The following PYGM variants were observed in gnomAD, a reference collection of about 807,000 sequenced individuals.
The protein encoded by PYGM is glycogen phosphorylase, muscle associated.
A neutral mutation model predicts 99.3 loss-of-function variants in PYGM; 81 were observed. The ratio of observed to expected loss-of-function variants is 0.82; its 90% CI spans 0.68 to 0.98. The LOEUF (loss-of-function observed/expected upper bound fraction) is 0.98. PYGM is among the 50% of genes least tolerant of loss of function. The pLI, the probability that PYGM is intolerant of heterozygous loss-of-function variation, is 0.00. For synonymous variants in PYGM, 436 were observed against 451.5 expected, an observed-to-expected ratio of 0.97 and a Z score of 0.44; for missense variants, 1,030 against 1,158.1, an observed-to-expected ratio of 0.89 and a Z score of 1.61.
chr11:64,752,387 T>C lies in PYGM; in HGVS notation c.1620+16A>G. 2 of 1,610,178 alleles carry C rather than the reference T, an allele frequency of 1.2e-6. No homozygotes were observed. The highest frequency in any genetic ancestry group is 1.7e-6 in the Non-Finnish European group (2 of 1,176,348). ...CTCCACACAGCACAGCTGTCCCACA[T>C]TGCATCTCTCCCCACCTGCTTCACT... is the stretch of plus-strand genomic sequence containing the variant. On this transcript the variant is annotated intron_variant, in intron 13 of 19. Coordinates refer to ENST00000164139, the MANE Select transcript of PYGM (RefSeq NM_005609.4).
chr11:64,752,099 C>T, intron 13 of PYGM, 28 bp from the exon 14 acceptor site: 2 of 1,613,940 alleles, frequency 1.2e-6, no homozygotes, highest in Non-Finnish European at 1.7e-6. Context: ...GAAGGGCTCA[C>T]CAACAGGCCA....
Position 64,758,436 on chromosome 11 carries a change from C to T in PYGM, c.424+1G>A. 6.2e-7 allele frequency: 1 copy of T among 1,613,860 alleles called. No individual in the cohort carries two copies. The highest frequency in any genetic ancestry group is 2.2e-5 in the East Asian group (1 of 44,876). The stretch of plus-strand genomic sequence containing the variant: ...CCACCCTCACGGCCCTGTCTTCTTA[C>T]CTGCCAGCCGGCCCAGGCCCCCGTT... On this transcript the variant is annotated splice_donor_variant, in intron 3 of 19. Coordinates refer to ENST00000164139, the MANE Select transcript of PYGM (RefSeq NM_005609.4). LOFTEE classifies it high-confidence loss of function.
rs755155963 is a variant in PYGM, at chr11:64,753,694, G to T, written c.1240-12C>A. 1.2e-4 allele frequency: 193 copies of T among 1,603,800 alleles called. No homozygotes were observed. Among genetic ancestry groups the T allele is most frequent in the Non-Finnish European group, 1.6e-4 (191 of 1,177,674 alleles). On this transcript the variant is annotated splice_polypyrimidine_tract_variant and intron_variant, in intron 10 of 19. Transcript: ENST00000164139. The stretch of plus-strand genomic sequence containing the variant: ...GCGGCCGCCACCCGCTGTGCCCAGA[G>T]AGCCCAGAGCTAGAACCAGACCCAG...
At chr11:64,758,909 C>G (rs939828249) in intron 1 of PYGM, among the ~76,000 whole-genome samples, 5 of 104,262 alleles carry the variant, frequency 4.8e-5, no homozygotes, top group African/African-American at 1.7e-4. Context: ...GGACAAATCA[C>G]TCTCTTTGGC....
At chr11:64,759,164 C>T (rs1191823346) in intron 1 of PYGM, among the ~76,000 whole-genome samples, 1 of 152,164 alleles carries the variant, frequency 6.6e-6, no homozygotes, top group Non-Finnish European at 1.5e-5. Flanking sequence ...TAGGATGCTG[C>T]CAGTGCCTGG....
At chr11:64,752,129 A>G in intron 13 of PYGM, 58 bp from the exon 14 acceptor site, 1 of 1,611,092 alleles carries the variant, frequency 6.2e-7, no homozygotes, top group East Asian at 2.2e-5. Context: ...GAAATCCTAC[A>G]GTCCACACTC....
intron 16 of PYGM, 91 bp downstream of exon 16, chr11:64,751,234 A>T (rs911969323): frequency 1.8e-5 from 28 of 1,564,080 alleles, no homozygotes; most frequent in African/African-American, 4.1e-5. Context: ...TCTTCTTTCA[A>T]GTACAAGTAT....
intron 1 of PYGM, 29 bp from the exon 2 acceptor site, chr11:64,758,733 T>C: frequency 1.3e-6 from 2 of 1,558,890 alleles, no homozygotes; most frequent in Non-Finnish European, 1.8e-6. Flanking sequence ...GGGCAGGGAA[T>C]GGGGTCAGGG....
rs1169625293 is a variant in PYGM at position 64,758,657 on chromosome 11, C to G, written c.291G>C (p.Gln97His). ...CTAAGGCCAGGTTCACCATGGTGTT[C>G]TGTAGCGTCCGTCCCATATAGAACT... ...SLEFYMGRTL[Q>H]NTMVNLALEN... The change falls in exon 2 of 20, where the codon CAG (glutamine) becomes CAC (histidine). Residue 97 changes from glutamine (Q) to histidine (H), a missense_variant. Physicochemically the swap from Gln to His is conservative, Grantham distance 24 (BLOSUM62 0). Transcript: ENST00000164139. 6.2e-7 allele frequency: 1 copy of G among 1,613,544 alleles called. No homozygotes were observed. The highest frequency in any genetic ancestry group is 1.7e-5 in the Admixed American group (1 of 60,026).
chr11:64,749,425 G>A (rs1264996204), intron 17 of PYGM, among the ~76,000 whole-genome samples: 2 of 151,864 alleles, frequency 1.3e-5, no homozygotes, highest in South Asian at 2.1e-4. Context: ...GGCAGATCAC[G>A]AGGTCAGCAG....
chr11:64,753,025 C>A, intron 12 of PYGM, 48 bp downstream of exon 12: 1 of 1,495,874 alleles, frequency 6.7e-7, no homozygotes, highest in Non-Finnish European at 9.3e-7. Context: ...CCAGCTGATC[C>A]CTGCAGGGAC....
chr11:64,751,130 G>T (rs973608553), intron 16 of PYGM, 195 bp downstream of exon 16: 55 of 733,262 alleles, frequency 7.5e-5, no homozygotes, highest in Non-Finnish European at 1.2e-4. Flanking sequence ...GACCTCAGGT[G>T]ATCCACCCAC....
Position 64,754,987 on chromosome 11 carries a change from A to C in PYGM, c.856-151T>G. Reference sequence around the variant, plus strand: ...GGGACCCAGGGGCCTTTCCTCCACCAAGAACTAGTGGCGAGAGACAGTGTC... The same window carrying C: ...GGGACCCAGGGGCCTTTCCTCCACCCAGAACTAGTGGCGAGAGACAGTGTC... On this transcript the variant is annotated intron_variant, in intron 7 of 19. Coordinates refer to ENST00000164139, the MANE Select transcript of PYGM (RefSeq NM_005609.4). This position sits in a 1 kb window ranked among gnomAD's most constrained non-coding sequence, Gnocchi z 5.5. 1 of 1,131,162 alleles carries C rather than the reference A, an allele frequency of 8.8e-7. No homozygotes were observed. Among genetic ancestry groups the C allele is most frequent in the Non-Finnish European group, 1.2e-6 (1 of 803,638 alleles). 70.1% of individuals were successfully genotyped at this position (1,131,162 alleles called of 1,614,324 possible).
chr11:64,759,242 G>A (rs2058416991), intron 1 of PYGM, among the ~76,000 whole-genome samples: 1 of 151,850 alleles, frequency 6.6e-6, no homozygotes, highest in South Asian at 2.1e-4. Flanking sequence ...ACCGAGGCGT[G>A]TCAGGTTGCT....
chr11:64,757,608 C>T lies in PYGM; in HGVS notation c.660+171G>A, dbSNP rs531831212. On this transcript the variant is annotated intron_variant, in intron 5 of 19. Coordinates refer to ENST00000164139, the MANE Select transcript of PYGM (RefSeq NM_005609.4). ...GCACTTAGGCTGGCTCCCCTGTGTC[C>T]CTGTCTCCAGTCTCTCCTGGCTTCA... is the stretch of plus-strand genomic sequence containing the variant. Among the ~76,000 whole-genome samples, 275 of 152,250 alleles carry T rather than the reference C, an allele frequency of 1.8e-3. 1 individual carries two copies. The Middle Eastern group carries it at 0.061, about 34-fold the overall frequency.
At chr11:64,752,932 C>T (rs910926520) in intron 12 of PYGM, 141 bp downstream of exon 12, 11 of 862,552 alleles carry the variant, frequency 1.3e-5, no homozygotes, top group Admixed American at 3.4e-5. Flanking sequence ...CAGGTGGATG[C>T]GAGGCTTGGG....
chr11:64,749,575 G>A (rs1207113), intron 17 of PYGM, among the ~76,000 whole-genome samples: 114,747 of 150,518 alleles, frequency 0.76, 46,281 homozygotes, highest in Middle Eastern at 0.91. Flanking sequence ...CCAGGAGGCG[G>A]AGCTTGCAGT....
intron 17 of PYGM, chr11:64,748,675 C>T (rs189738085): frequency 6.6e-6 from 1 of 152,252 alleles, no homozygotes. Context: ...TTGTGACATG[C>T]TCATAGGATG....
chr11:64,746,822 G>A lies in PYGM; in HGVS notation c.2380-14C>T, dbSNP rs1275648495. On this transcript the variant is annotated splice_polypyrimidine_tract_variant and intron_variant, in intron 19 of 19. Coordinates refer to ENST00000164139, the MANE Select transcript of PYGM (RefSeq NM_005609.4). ...CTCTCTTGGGTTCTGCAGGTCAAAG[G>A]GAAGCTCTGGTTCACTCTGCTGGCA... 3 of 1,613,998 alleles carry A rather than the reference G, an allele frequency of 1.9e-6. No individual in the cohort carries two copies. In the Admixed American group the frequency reaches 5.0e-5, roughly 27 times the overall value.
Sources: allele counts gnomAD v4.1 joint callset (sites outside exome capture counted in the v4.1 genomes callset), GRCh38; gene constraint gnomAD v4.1.1; non-coding constraint Gnocchi (gnomAD v3.1); transcripts MANE v1.5; gene names NCBI Gene and HGNC (gene_info 2026-07-23, HGNC 2026-07-21).